SLC16A10: variants seen among roughly 807,000 people sequenced by gnomAD.
SLC16A10 encodes the protein monocarboxylate transporter 10.
In SLC16A10, 27 loss-of-function variants were observed where a neutral mutation model predicts 40.0. The ratio of observed to expected loss-of-function variants is 0.67; its 90% CI spans 0.50 to 0.93. SLC16A10 has a LOEUF of 0.93. Ranked by LOEUF, SLC16A10 falls within the 40% of genes least tolerant of loss-of-function variation. The pLI is 0.00. For synonymous variants in SLC16A10, 213 were observed against 249.8 expected, an observed-to-expected ratio of 0.85 and a Z score of 1.39; for missense variants, 529 against 658.2, an observed-to-expected ratio of 0.80 and a Z score of 2.15.
intron 3 of SLC16A10, among the ~76,000 whole-genome samples, chr6:111,196,208 C>T (rs895535843): frequency 1.6e-4 from 25 of 152,098 alleles, no homozygotes; most frequent in Admixed American, 1.4e-3. Context: ...ATGATGGCAG[C>T]TGCCTATAGT....
chr6:111,153,152 T>C (rs1772203875), intron 1 of SLC16A10, among the ~76,000 whole-genome samples: 1 of 152,190 alleles, frequency 6.6e-6, no homozygotes, highest in South Asian at 2.1e-4. Context: ...TTTAAATAGC[T>C]TTTTTGCGTC....
chr6:111,222,332 C>T lies in SLC16A10; in HGVS notation c.*97C>T. ...ATTGCAAATTTCATATTTTTTTAATCACATCCTAGGAATAGCACAATAATT... is the reference window on the plus strand; with the variant it reads ...ATTGCAAATTTCATATTTTTTTAATTACATCCTAGGAATAGCACAATAATT... On this transcript the variant is annotated 3_prime_UTR_variant, in exon 6 of 6. Coordinates refer to ENST00000368851, the MANE Select transcript of SLC16A10 (RefSeq NM_018593.5). 1 of 1,438,128 alleles carries T rather than the reference C, an allele frequency of 7.0e-7. No individual in the cohort carries two copies. The highest frequency in any genetic ancestry group is 2.6e-5 in the East Asian group (1 of 38,864). The allele number at this position is 1,438,128 out of a possible 1,614,324, so 89.1% of individuals were successfully genotyped here.
chr6:111,134,615 T>C (rs1244531590), intron 1 of SLC16A10, among the ~76,000 whole-genome samples: 1 of 151,738 alleles, frequency 6.6e-6, no homozygotes, highest in East Asian at 1.9e-4. Context: ...CTTTGGAGGC[T>C]CTGGAAAAGG....
chr6:111,138,643 G>T (rs1315733902), intron 1 of SLC16A10, among the ~76,000 whole-genome samples: 1 of 151,490 alleles, frequency 6.6e-6, no homozygotes, highest in Admixed American at 6.6e-5. Context: ...GGCCTATTTG[G>T]TGCTTTTTTT....
At chr6:111,168,467 A>G (rs1772519808) in intron 1 of SLC16A10, among the ~76,000 whole-genome samples, 2 of 152,202 alleles carry the variant, frequency 1.3e-5, no homozygotes, top group Non-Finnish European at 2.9e-5. Flanking sequence ...TTGAGTCTTT[A>G]TTATTATAAT....
intron 1 of SLC16A10, among the ~76,000 whole-genome samples, chr6:111,134,526 A>G (rs1771842016): frequency 6.6e-6 from 1 of 152,082 alleles, no homozygotes; most frequent in Non-Finnish European, 1.5e-5. Context: ...AATAGAGATC[A>G]GGAGGAGCAG....
At chr6:111,108,170 C>A (rs1431987191) in intron 1 of SLC16A10, among the ~76,000 whole-genome samples, 3 of 152,060 alleles carry the variant, frequency 2.0e-5, no homozygotes, top group Non-Finnish European at 4.4e-5. Context: ...CAGGCGTGAT[C>A]CACCATGTCC....
chr6:111,218,059 C>G (rs879652315), intron 4 of SLC16A10, among the ~76,000 whole-genome samples: 8 of 152,030 alleles, frequency 5.3e-5, no homozygotes, highest in African/African-American at 7.2e-5. Flanking sequence ...ATATAATAAG[C>G]CTTAACTCTG....
chr6:111,160,374 T>G (rs584937), intron 1 of SLC16A10, among the ~76,000 whole-genome samples: 19,177 of 152,210 alleles, frequency 0.13, 1,354 homozygotes, highest in Middle Eastern at 0.17. Context: ...GAATAGCTGG[T>G]ATTACAGGCA....
chr6:111,113,068 A>T (rs1261242484), intron 1 of SLC16A10, among the ~76,000 whole-genome samples: 1 of 152,202 alleles, frequency 6.6e-6, no homozygotes, highest in Non-Finnish European at 1.5e-5. Context: ...ATATACTAGA[A>T]TTTAAAATAT....
At chr6:111,180,134 T>C (rs1334813679) in intron 3 of SLC16A10, among the ~76,000 whole-genome samples, 1 of 152,214 alleles carries the variant, frequency 6.6e-6, no homozygotes, top group Non-Finnish European at 1.5e-5. Flanking sequence ...TAAAAATGGC[T>C]ACAGTTTATA....
At chr6:111,139,427 G>C (rs1378732429) in intron 1 of SLC16A10, among the ~76,000 whole-genome samples, 1 of 151,942 alleles carries the variant, frequency 6.6e-6, no homozygotes, top group Admixed American at 6.6e-5. Context: ...TCAGCCTCCT[G>C]AGTAGCTGGG....
intron 3 of SLC16A10, among the ~76,000 whole-genome samples, chr6:111,206,292 G>T (rs1460401641): frequency 1.3e-5 from 2 of 152,072 alleles, no homozygotes; most frequent in Non-Finnish European, 2.9e-5. Context: ...GGCCAGGCTG[G>T]TCTCGAACTC....
chr6:111,128,990 CATAT>C, intron 1 of SLC16A10, among the ~76,000 whole-genome samples: 1 of 150,796 alleles, frequency 6.6e-6, no homozygotes, highest in Non-Finnish European at 1.5e-5. Flanking sequence ...TCATATTTTT[CATAT>C]TTCATATTTT....
intron 3 of SLC16A10, among the ~76,000 whole-genome samples, chr6:111,191,513 A>C (rs1176918579): frequency 6.6e-6 from 1 of 152,256 alleles, no homozygotes; most frequent in African/African-American, 2.4e-5. Context: ...AGAATGATTT[A>C]TAATCCTTTG....
chr6:111,168,078 C>G (rs1448305844), intron 1 of SLC16A10, among the ~76,000 whole-genome samples: 1 of 151,996 alleles, frequency 6.6e-6, no homozygotes, highest in Non-Finnish European at 1.5e-5. Context: ...CTCCCAGATT[C>G]AAGCGATTCT....
At chr6:111,170,064 T>C (rs568786257) in intron 1 of SLC16A10, among the ~76,000 whole-genome samples, 38 of 151,506 alleles carry the variant, frequency 2.5e-4, no homozygotes, top group African/African-American at 8.7e-4. Context: ...ATTACAGGCA[T>C]GAGCCAACAC....
intron 1 of SLC16A10, among the ~76,000 whole-genome samples, chr6:111,153,033 G>A (rs1048015902): frequency 1.3e-5 from 2 of 152,152 alleles, no homozygotes; most frequent in African/African-American, 2.4e-5. Context: ...GGCAATGGTG[G>A]TAATTAAGTG....
Position 111,097,936 on chromosome 6 carries a change from G to T in SLC16A10, c.343+9841G>T, listed in dbSNP as rs146475914. Among the ~76,000 whole-genome samples the T allele has an allele frequency of 1.7e-3, 253 of 152,306 alleles. 1 individual carries two copies. The highest frequency in any genetic ancestry group is 5.8e-3 in the African/African-American group (242 of 41,580). On this transcript the variant is annotated intron_variant, in intron 1 of 5. Coordinates refer to ENST00000368851, the MANE Select transcript of SLC16A10 (RefSeq NM_018593.5). ...GAAAGGTGCATTGGTCTACAGTTCA[G>T]CTAGTACCTATTTTTTGCTAAAGAT...
Sources: gnomAD v4.1 joint callset for allele counts (sites outside exome capture counted in the v4.1 genomes callset) on GRCh38, gnomAD v4.1.1 for gene constraint, MANE v1.5 for transcripts, NCBI Gene and HGNC (gene_info 2026-07-23, HGNC 2026-07-21) for gene names.